NSD1: variants seen among roughly 807,000 people sequenced by gnomAD.
NSD1 encodes the protein histone-lysine N-methyltransferase, H3 lysine-36 specific.
NSD1 carries 26 observed loss-of-function variants against 242.7 expected under a neutral mutation model. The ratio of observed to expected loss-of-function variants is 0.11; its 90% CI spans 0.08 to 0.15. The LOEUF (loss-of-function observed/expected upper bound fraction) is 0.15. Among genes scored for constraint, NSD1 ranks in the 10% least tolerant of loss-of-function variants. NSD1 has a pLI of 1.00. For missense variants in NSD1, 2,495 were observed against 3,272.8 expected, an observed-to-expected ratio of 0.76 and a Z score of 5.80; for synonymous variants, 1,106 against 1,178.1, an observed-to-expected ratio of 0.94 and a Z score of 1.25.
At chr5:177,248,373 A>C in intron 11 of NSD1, 49 bp downstream of exon 11, 1 of 1,589,360 alleles carries the variant, frequency 6.3e-7, no homozygotes, top group Non-Finnish European at 8.6e-7. Context: ...TTCATCTTTA[A>C]AGGGAAACCC....
At chr5:177,241,318 G>GA (rs1402701488) in intron 8 of NSD1, among the ~76,000 whole-genome samples, 1 of 150,406 alleles carries the variant, frequency 6.6e-6, no homozygotes, top group African/African-American at 2.5e-5. Flanking sequence ...CCAACATGGT[G>GA]AAACCCCGTC....
Position 177,149,323 on chromosome 5 carries a change from A to G in NSD1, c.927+13293A>G, listed in dbSNP as rs150121824. ...AACCTCCACCTGCTGAGTTCAAGCA[A>G]TTCTCGTGCGTCAGCCTCTGGAGTA... On this transcript the variant is annotated intron_variant, in intron 2 of 22. Coordinates refer to ENST00000439151, the MANE Select transcript of NSD1 (RefSeq NM_022455.5). Among the ~76,000 whole-genome samples, 747 of 151,854 alleles carry G rather than the reference A, an allele frequency of 4.9e-3. 2 individuals are homozygous for G. Among genetic ancestry groups the G allele is most frequent in the African/African-American group, 0.012 (515 of 41,416 alleles).
chr5:177,161,761 C>G (rs1758776867), intron 2 of NSD1, among the ~76,000 whole-genome samples: 1 of 151,208 alleles, frequency 6.6e-6, no homozygotes, highest in African/African-American at 2.4e-5. Flanking sequence ...CACTTGCAAC[C>G]TCTGCCTCCT....
chr5:177,180,744 A>G (rs1019554917), intron 2 of NSD1, among the ~76,000 whole-genome samples: 5 of 151,796 alleles, frequency 3.3e-5, no homozygotes, highest in Non-Finnish European at 5.9e-5. Flanking sequence ...GTGCAGTGAC[A>G]TGATCTCAGC....
chr5:177,160,872 A>C (rs1758692375), intron 2 of NSD1, among the ~76,000 whole-genome samples: 1 of 151,638 alleles, frequency 6.6e-6, no homozygotes, highest in Admixed American at 6.6e-5. Flanking sequence ...AGGTTGAAGC[A>C]GTTCTCATGC....
At chr5:177,158,441 C>G (rs1451836373) in intron 2 of NSD1, among the ~76,000 whole-genome samples, 1 of 151,036 alleles carries the variant, frequency 6.6e-6, no homozygotes, top group Non-Finnish European at 1.5e-5. Flanking sequence ...CGGGTTCAAG[C>G]AATTCTCTGC....
At chr5:177,237,625 C>G (rs1378893575) in intron 6 of NSD1, among the ~76,000 whole-genome samples, 4 of 148,808 alleles carry the variant, frequency 2.7e-5, no homozygotes, top group African/African-American at 5.0e-5. Flanking sequence ...CTCTGCCTCT[C>G]CTGTTCACAC....
chr5:177,264,868 A>C (rs1757292195), intron 14 of NSD1: 13 of 765,592 alleles, frequency 1.7e-5, no homozygotes. Context: ...GCGAATCTAT[A>C]AGAAAGGTGA....
At chr5:177,139,902 C>A (rs1384589093) in intron 2 of NSD1, among the ~76,000 whole-genome samples, 1 of 151,088 alleles carries the variant, frequency 6.6e-6, no homozygotes, top group African/African-American at 2.4e-5. Context: ...CATGATCATG[C>A]CACTGCATTC....
At chr5:177,158,293 C>CTTTCTTTTCTTTTCTTTTCTTTTCT (rs57903249) in intron 2 of NSD1, among the ~76,000 whole-genome samples, 2 of 77,674 alleles carry the variant, frequency 2.6e-5, no homozygotes, top group African/African-American at 9.3e-5. Context: ...TTCTTTCTTT[C>CTTTCTTTTCTTTTCTTTTCTTTTCT]TTTCTTTCTT....
In NSD1 at chr5:177,211,308, A is replaced by G. The variant is rs1763317292; in HGVS notation, c.2909A>G (p.Asp970Gly). The G allele has an allele frequency of 1.9e-6, 3 of 1,613,984 alleles. No homozygotes were observed. Among genetic ancestry groups the G allele is most frequent in the African/African-American group, 2.7e-5 (2 of 74,902 alleles). Residue 970 changes from aspartate (D) to glycine (G), a missense_variant, in exon 5 of 23, where the codon GAT (aspartate) becomes GGT (glycine). Physicochemically the swap from Asp to Gly is moderately conservative, Grantham distance 94. Coordinates refer to ENST00000439151, the MANE Select transcript of NSD1 (RefSeq NM_022455.5). The stretch of plus-strand genomic sequence containing the variant: ...ACACACAATTCAGAGAAAAAGGGAG[A>G]TGGCACTCAGAACTCCGCCAATCCT... ...GSTHNSEKKGDGTQNSANPSP... is the reference protein window; with the variant it reads ...GSTHNSEKKGGGTQNSANPSP...
chr5:177,159,593 A>G, intron 2 of NSD1, among the ~76,000 whole-genome samples: 1 of 118,600 alleles, frequency 8.4e-6, no homozygotes, highest in African/African-American at 3.2e-5. Context: ...CTAAGTCTGA[A>G]TTTTTTTTTT....
intron 2 of NSD1, among the ~76,000 whole-genome samples, chr5:177,141,974 C>T (rs1014936707): frequency 1.3e-4 from 20 of 152,098 alleles, no homozygotes; most frequent in Admixed American, 1.2e-3. Flanking sequence ...GCTGGGACTA[C>T]AGGCGCCCAC....
chr5:177,210,167 T>G lies in NSD1; in HGVS notation c.1768T>G (p.Leu590Val). The part of the protein sequence containing the change: ...KEFETSNGDS[L>V]LGLPEGALIS... ...ATTTGAGACTTCAAATGGTGACTCT[T>G]TATTGGGCTTGCCTGAGGGTGCTTT... The change falls in exon 5 of 23, where the codon TTA becomes GTA. Residue 590 changes from leucine to valine, a missense_variant. Transcript: ENST00000439151. The G allele has an allele frequency of 6.2e-7, 1 of 1,609,682 alleles. No individual in the cohort carries two copies. Among genetic ancestry groups the G allele is most frequent in the South Asian group, 1.1e-5 (1 of 90,124 alleles).
Position 177,299,866 on chromosome 5 carries a change from C to G in NSD1, c.*4407C>G, listed in dbSNP as rs184497744. The G allele has an allele frequency of 1.3e-5, 3 of 233,362 alleles. No individual in the cohort carries two copies. Among genetic ancestry groups the G allele is most frequent in the Admixed American group, 5.6e-5 (1 of 17,794 alleles). 14.5% of individuals were successfully genotyped at this position (233,362 alleles called of 1,614,324 possible). A position where few individuals can be genotyped will look rare whatever the true frequency, so the allele number is the denominator to read the frequency against. On this transcript the variant is annotated 3_prime_UTR_variant, in exon 23 of 23. Transcript: ENST00000439151. ...GGGGCAGGCCAGAGCAAGGCGGTCTCATCGAGGTGGGTGCTACCTGTGTGT... is the reference window on the plus strand; with the variant it reads ...GGGGCAGGCCAGAGCAAGGCGGTCTGATCGAGGTGGGTGCTACCTGTGTGT...
intron 14 of NSD1, 90 bp downstream of exon 14, chr5:177,260,258 C>A: frequency 8.0e-7 from 1 of 1,244,216 alleles, no homozygotes; most frequent in Non-Finnish European, 1.1e-6. Context: ...ATCATATTGC[C>A]ACTGGAAAAA....
Position 177,297,259 on chromosome 5 carries a change from C to T in NSD1, c.*1800C>T, listed in dbSNP as rs771654554. On this transcript the variant is annotated 3_prime_UTR_variant, in exon 23 of 23. Coordinates refer to ENST00000439151, the MANE Select transcript of NSD1 (RefSeq NM_022455.5). Reference sequence around the variant, plus strand: ...TGTGAATTCCACCTGCCTAGTTCTCCCCTTTCATCCTCTCTCTCTTCCCAC... The same window carrying T: ...TGTGAATTCCACCTGCCTAGTTCTCTCCTTTCATCCTCTCTCTCTTCCCAC... 4.3e-6 allele frequency: 1 copy of T among 231,936 alleles called. No individual in the cohort carries two copies. The highest frequency in any genetic ancestry group is 8.5e-6 in the Non-Finnish European group (1 of 117,404). The allele number at this position is 231,936 out of a possible 1,614,324, so 14.4% of individuals were successfully genotyped here.
rs1341755774 is a variant in NSD1 at position 177,211,506 on chromosome 5, C to T, written c.3107C>T (p.Ala1036Val). Residue 1036 changes from alanine (A) to valine (V), a missense_variant, in exon 5 of 23, where the codon GCC becomes GTC. Coordinates refer to ENST00000439151, the MANE Select transcript of NSD1 (RefSeq NM_022455.5). ...PSSKLRDAFSAQMVKNTVNRK... is the reference protein window; with the variant it reads ...PSSKLRDAFSVQMVKNTVNRK... ...TCCAAATTGCGAGATGCTTTTTCAG[C>T]CCAAATGGTAAAGAACACAGTGAAC... 6.2e-7 allele frequency: 1 copy of T among 1,614,050 alleles called. No homozygotes were observed. Among genetic ancestry groups the T allele is most frequent in the Non-Finnish European group, 8.5e-7 (1 of 1,180,016 alleles).
intron 2 of NSD1, among the ~76,000 whole-genome samples, chr5:177,163,143 T>TC (rs1491392345): frequency 5.7e-5 from 5 of 88,306 alleles, no homozygotes; most frequent in African/African-American, 1.9e-4. Flanking sequence ...GAAATGTCTC[T>TC]TTTTTTTTTT....
Sources: gnomAD v4.1 joint callset for allele counts (sites outside exome capture counted in the v4.1 genomes callset) on GRCh38, gnomAD v4.1.1 for gene constraint, MANE v1.5 for transcripts, NCBI Gene and HGNC (gene_info 2026-07-23, HGNC 2026-07-21) for gene names.